The following C9 variants were observed in gnomAD, a reference collection of about 807,000 sequenced individuals.
C9 encodes complement component C9.
A neutral mutation model predicts 65.4 loss-of-function variants in C9; 63 were observed. The ratio of observed to expected loss-of-function variants is 0.96; its 90% confidence interval spans 0.79 to 1.19. The LOEUF is 1.19. C9 is among the 50% of genes most tolerant of loss of function. C9 has a pLI of 0.00. For missense variants in C9, 744 were observed against 670.1 expected, an observed-to-expected ratio of 1.11 and a Z score of -1.22; for synonymous variants, 229 against 227.9, an observed-to-expected ratio of 1.00 and a Z score of -0.04.
At chr5:39,296,943 G>T (rs155445) in intron 9 of C9, among the ~76,000 whole-genome samples, 1 of 151,114 alleles carries the variant, frequency 6.6e-6, no homozygotes, top group South Asian at 2.1e-4. Flanking sequence ...GAAGGGTAGG[G>T]GAAAGACAAT....
At chr5:39,345,320 G>A (rs571326074) in intron 1 of C9, among the ~76,000 whole-genome samples, 1 of 152,294 alleles carries the variant, frequency 6.6e-6, no homozygotes, top group Non-Finnish European at 1.5e-5. Context: ...GTAAAGGGAT[G>A]GAGGAAGATC....
chr5:39,316,761 G>A (rs766340263), intron 5 of C9, among the ~76,000 whole-genome samples: 2 of 152,106 alleles, frequency 1.3e-5, no homozygotes, highest in East Asian at 1.9e-4. Flanking sequence ...TGGGCGTTTG[G>A]GTTGATTCCA....
At chr5:39,334,096 C>T (rs1324329551) in intron 4 of C9, among the ~76,000 whole-genome samples, 1 of 150,762 alleles carries the variant, frequency 6.6e-6, no homozygotes, top group African/African-American at 2.5e-5. Context: ...TGAGGAGCCC[C>T]TCTGCCTGGC....
intron 10 of C9, 55 bp downstream of exon 10, chr5:39,288,668 A>G (rs1054911890): frequency 2.2e-6 from 2 of 915,826 alleles, no homozygotes; most frequent in South Asian, 1.3e-5. Flanking sequence ...TTCAAATTAG[A>G]TAACCCCAAA....
intron 4 of C9, among the ~76,000 whole-genome samples, chr5:39,337,280 G>T (rs948703309): frequency 2.0e-5 from 3 of 152,180 alleles, no homozygotes; most frequent in Non-Finnish European, 2.9e-5. Context: ...GCATATCCTA[G>T]TTTGAAGGTT....
chr5:39,357,602 T>C (rs1473023743), intron 1 of C9, among the ~76,000 whole-genome samples: 2 of 152,164 alleles, frequency 1.3e-5, no homozygotes, highest in Non-Finnish European at 1.5e-5. Flanking sequence ...CAATATTTCT[T>C]AAGACATGTG....
intron 9 of C9, among the ~76,000 whole-genome samples, chr5:39,303,366 A>C (rs1753316483): frequency 6.6e-6 from 1 of 152,082 alleles, no homozygotes; most frequent in African/African-American, 2.4e-5. Context: ...GGCTGGGCCA[A>C]GACATTCCTC....
chr5:39,302,440 A>C (rs1170944159), intron 9 of C9, among the ~76,000 whole-genome samples: 2 of 152,214 alleles, frequency 1.3e-5, no homozygotes, highest in African/African-American at 4.8e-5. Context: ...ATGTATACCA[A>C]CTGTAGTTTG....
chr5:39,322,933 A>T (rs1028906043), intron 5 of C9, among the ~76,000 whole-genome samples: 28 of 152,238 alleles, frequency 1.8e-4, no homozygotes, highest in East Asian at 1.9e-4. Flanking sequence ...CTAAGGATTT[A>T]GCTATTTGTG....
rs1753556090 is a variant in C9 at position 39,315,685 on chromosome 5, C to T, written c.870+90G>A. The stretch of plus-strand genomic sequence containing the variant: ...GAGAATTTGATCCATGTTTCTTTTC[C>T]TTTTTATGATTTCTATTTGCTCAAA... On this transcript the variant is annotated intron_variant, in intron 6 of 10. Transcript: ENST00000263408. 4 of 989,994 alleles carry T rather than the reference C, an allele frequency of 4.0e-6. No homozygotes were observed. In the East Asian group the frequency reaches 1.0e-4, roughly 25 times the overall value. 61.3% of individuals were successfully genotyped at this position (989,994 alleles called of 1,614,324 possible).
chr5:39,292,389 C>G (rs766378352), intron 9 of C9, among the ~76,000 whole-genome samples: 1 of 151,046 alleles, frequency 6.6e-6, no homozygotes, highest in Non-Finnish European at 1.5e-5. Context: ...GAATTTTATA[C>G]CTAATGAAAT....
chr5:39,361,016 A>C (rs1467825408), intron 1 of C9, among the ~76,000 whole-genome samples: 1 of 152,162 alleles, frequency 6.6e-6, no homozygotes, highest in Non-Finnish European at 1.5e-5. Context: ...GATTGGAAAC[A>C]CCCAAATGTT....
intron 1 of C9, among the ~76,000 whole-genome samples, chr5:39,345,025 C>T (rs543314767): frequency 2.6e-5 from 4 of 152,184 alleles, no homozygotes; most frequent in Admixed American, 2.6e-4. Context: ...AAGGAAGCAC[C>T]AAACATGAAA....
At chr5:39,301,623 A>G (rs1753284849) in intron 9 of C9, among the ~76,000 whole-genome samples, 1 of 152,110 alleles carries the variant, frequency 6.6e-6, no homozygotes, top group Non-Finnish European at 1.5e-5. Context: ...TACTTCTGCA[A>G]TATTACTATC....
At chr5:39,307,153 A>G (rs9292735) in intron 8 of C9, among the ~76,000 whole-genome samples, 4,514 of 152,274 alleles carry the variant, frequency 0.03, 206 homozygotes, top group African/African-American at 0.1. Context: ...TCATAATTAT[A>G]TTGTGTACAT....
In C9 at chr5:39,347,863, C is replaced by T. The variant is rs1579876712; in HGVS notation, c.78-5667G>A. 3.9e-5 allele frequency among the ~76,000 whole-genome samples: 6 copies of T among 152,092 alleles called. No homozygotes were observed. In the South Asian group the frequency reaches 1.2e-3, roughly 32 times the overall value. ...CAGAATGGAGCCCTCAGAAATAATACCACACATCTACAACTATCTGATCTT... is the reference window on the plus strand; with the variant it reads ...CAGAATGGAGCCCTCAGAAATAATATCACACATCTACAACTATCTGATCTT... On this transcript the variant is annotated intron_variant, in intron 1 of 10. Coordinates refer to ENST00000263408, the MANE Select transcript of C9 (RefSeq NM_001737.5).
At chr5:39,327,703 T>C (rs1300941562) in intron 5 of C9, among the ~76,000 whole-genome samples, 4 of 152,246 alleles carry the variant, frequency 2.6e-5, no homozygotes, top group South Asian at 2.1e-4. Context: ...GCTGGAAATA[T>C]AGGATTTGCA....
intron 1 of C9, among the ~76,000 whole-genome samples, chr5:39,358,723 C>T (rs749983241): frequency 6.6e-6 from 1 of 151,978 alleles, no homozygotes; most frequent in Non-Finnish European, 1.5e-5. Context: ...CGGTGGCTCA[C>T]GTCTGTAATC....
chr5:39,364,250 CTT>C (rs1163152230), intron 1 of C9, 136 bp downstream of exon 1: 4 of 662,604 alleles, frequency 6.0e-6, no homozygotes, highest in Non-Finnish European at 1.1e-5. Flanking sequence ...TTTCTTATCT[CTT>C]TTCGAAGTTT....
Sources: gnomAD v4.1 joint callset for allele counts (sites outside exome capture counted in the v4.1 genomes callset) on GRCh38, gnomAD v4.1.1 for gene constraint, MANE v1.5 for transcripts, NCBI Gene and HGNC (gene_info 2026-07-23, HGNC 2026-07-21) for gene names.